Variants in PCGF3 observed in about 807,000 individuals in gnomAD.
The protein encoded by PCGF3 is polycomb group RING finger protein 3.
Under a neutral mutation model 33.1 loss-of-function variants are expected in PCGF3, and 7 were observed. The ratio of observed to expected loss-of-function variants is 0.21; its 90% CI spans 0.12 to 0.40. The LOEUF is 0.40. Ranked by LOEUF, PCGF3 falls within the 10% of genes least tolerant of loss-of-function variation. The pLI is 1.00. For missense variants in PCGF3, 211 were observed against 313.3 expected (o/e 0.67, Z 2.46); for synonymous variants, 153 against 121.3 (o/e 1.26, Z -1.72).
intron 8 of PCGF3, among the ~76,000 whole-genome samples, chr4:754,183 C>G (rs1258228576): frequency 6.6e-6 from 1 of 152,184 alleles, no homozygotes; most frequent in African/African-American, 2.4e-5. Context: ...GCTCCTATAC[C>G]CTGAGCAGGC....
chr4:741,676 G>A (rs1744097606), intron 6 of PCGF3, among the ~76,000 whole-genome samples: 2 of 152,180 alleles, frequency 1.3e-5, no homozygotes, highest in Non-Finnish European at 2.9e-5. Context: ...CACAGTGCTG[G>A]GATGACAGGT....
intron 1 of PCGF3, among the ~76,000 whole-genome samples, chr4:716,154 T>C (rs1742824940): frequency 9.4e-6 from 1 of 106,640 alleles, no homozygotes; most frequent in Non-Finnish European, 2.1e-5. Flanking sequence ...CTGTAGACAC[T>C]GAGTGTGAGA....
chr4:732,900 C>A (rs751707726), intron 3 of PCGF3, among the ~76,000 whole-genome samples: 1 of 152,244 alleles, frequency 6.6e-6, no homozygotes, highest in African/African-American at 2.4e-5. Context: ...TCACCAGGCT[C>A]TGCCTGCCGT....
exon 11 of PCGF3, chr4:768,678 G>A (rs1745486143): frequency 6.6e-6 from 1 of 152,028 alleles, no homozygotes; most frequent in African/African-American, 2.4e-5. Flanking sequence ...AGATTTGGGG[G>A]GTTAAAAAAG....
rs6856839 is a variant in PCGF3 at position 759,991 on chromosome 4, C to T, written c.463-1288C>T. Among the ~76,000 whole-genome samples, 684 of 152,282 alleles carry T rather than the reference C, an allele frequency of 4.5e-3. 13 individuals carry two copies. The highest frequency in any genetic ancestry group is 0.015 in the African/African-American group (639 of 41,538). ...GAGTTCTCTCTCCAGACTCCCGGAT[C>T]TTCTTCCCGCTCACATTGTCCCTCT... On this transcript the variant is annotated intron_variant, in intron 8 of 10. Transcript: ENST00000362003.
At chr4:729,280 T>C (rs1449843420) in intron 1 of PCGF3, among the ~76,000 whole-genome samples, 1 of 151,676 alleles carries the variant, frequency 6.6e-6, no homozygotes, top group African/African-American at 2.4e-5. Context: ...CCAGGTGTGG[T>C]GGTGCATGCT....
intron 1 of PCGF3, among the ~76,000 whole-genome samples, chr4:711,550 C>T (rs1328139503): frequency 4.8e-5 from 7 of 145,974 alleles, no homozygotes; most frequent in Non-Finnish European, 9.0e-5. Context: ...CTCCGCTTCC[C>T]GGGTTCACGC....
intron 1 of PCGF3, chr4:723,680 C>G (rs1257814406): frequency 1.3e-5 from 2 of 153,704 alleles, no homozygotes; most frequent in Non-Finnish European, 2.9e-5. Context: ...CCTCAAGACG[C>G]AGGAGCGGAG....
At chr4:758,163 CTCA>C in intron 8 of PCGF3, among the ~76,000 whole-genome samples, 1 of 71,330 alleles carries the variant, frequency 1.4e-5, no homozygotes, top group Non-Finnish European at 2.4e-5. Flanking sequence ...GAGACTCTGT[CTCA>C]AAAAAAAAAA....
intron 6 of PCGF3, among the ~76,000 whole-genome samples, chr4:741,978 A>T (rs926544142): frequency 6.6e-6 from 1 of 151,940 alleles, no homozygotes; most frequent in African/African-American, 2.4e-5. Context: ...AGCTGCTGGG[A>T]TGTGATTATT....
At chr4:761,907 A>G (rs1385154154) in intron 9 of PCGF3, 13 of 985,332 alleles carry the variant, frequency 1.3e-5, no homozygotes, top group Non-Finnish European at 1.6e-5. Flanking sequence ...AGCAGGGTCC[A>G]GCTTTGCATG....
In PCGF3 at chr4:755,987, A is replaced by ACCG. The variant is rs1321279394; in HGVS notation, c.463-5290_463-5288dup. Among the ~76,000 whole-genome samples, 3 of 126,688 alleles carry ACCG rather than the reference A, an allele frequency of 2.4e-5. No individual in the cohort carries two copies. The East Asian group carries it at 6.8e-4, about 29-fold the overall frequency. 83.1% of individuals were successfully genotyped at this position (126,688 alleles called of 152,430 possible). A position where few individuals can be genotyped will look rare whatever the true frequency, so the allele number is the denominator to read the frequency against. On this transcript the variant is annotated intron_variant, in intron 8 of 10. Transcript: ENST00000362003. ...GGAGTGCAAGGCCTGATCTTGGCTC[A>ACCG]CCGCAACCTCCACCTCCCGGGTTCA...
rs529150587 is a variant in PCGF3, at chr4:729,173, G to A, written c.-189-1457G>A. On this transcript the variant is annotated intron_variant, in intron 1 of 10. Transcript: ENST00000362003. ...CTCACACCTGTAATCTCAGCACTTT[G>A]GGAGGCTGAGGCGGGAGGATCACTT... Among the ~76,000 whole-genome samples, 187 of 150,414 alleles carry A rather than the reference G, an allele frequency of 1.2e-3. 1 individual carries two copies. Among genetic ancestry groups the A allele is most frequent in the African/African-American group, 4.3e-3 (175 of 40,994 alleles).
intron 1 of PCGF3, among the ~76,000 whole-genome samples, chr4:708,022 G>T (rs553875977): frequency 1.5e-5 from 2 of 137,124 alleles, no homozygotes; most frequent in South Asian, 5.1e-4. Context: ...TTCCCCTGGG[G>T]GCCGGGACCC....
intron 10 of PCGF3, among the ~76,000 whole-genome samples, chr4:765,464 A>G (rs1462014537): frequency 6.6e-6 from 1 of 151,624 alleles, no homozygotes; most frequent in Admixed American, 6.6e-5. Flanking sequence ...ACTCAGCTAC[A>G]GAAATTGTTG....
In PCGF3 at chr4:732,781, G is replaced by C. The variant is rs562533808; in HGVS notation, c.-9-891G>C. On this transcript the variant is annotated intron_variant, in intron 3 of 10. Transcript: ENST00000362003. ...CGTGCCTGCTGCTCCCCTGGTGAAA[G>C]GTGTGGGGAGCGAAGTCCCAGTAGT... Among the ~76,000 whole-genome samples, 11 of 152,348 alleles carry C rather than the reference G, an allele frequency of 7.2e-5. No homozygotes were observed. The South Asian group carries it at 2.3e-3, about 32-fold the overall frequency.
rs1025036326 is a variant in PCGF3 at position 720,446 on chromosome 4, C to G, written c.-189-10184C>G. Among the ~76,000 whole-genome samples, 14 of 152,270 alleles carry G rather than the reference C, an allele frequency of 9.2e-5. 3 individuals are homozygous for G. Among genetic ancestry groups the G allele is most frequent in the Admixed American group, 6.5e-5 (1 of 15,290 alleles). ...GTGGGGCTGCCCGTCCAGAGAGGTG[C>G]AGGGTCTCTTGTCAGGTGGACAGGG... is the stretch of plus-strand genomic sequence containing the variant. On this transcript the variant is annotated intron_variant, in intron 1 of 10. Coordinates refer to ENST00000362003, the Ensembl canonical transcript of PCGF3. The surrounding 1 kb of genome is among the most constrained non-coding windows in gnomAD (Gnocchi z 5.6).
chr4:749,565 C>T (rs943597434), intron 8 of PCGF3, among the ~76,000 whole-genome samples: 4 of 141,778 alleles, frequency 2.8e-5, no homozygotes, highest in Non-Finnish European at 6.0e-5. Context: ...TGGCTCACTG[C>T]AACCTCTGCC....
chr4:728,287 A>G (rs913843013), intron 1 of PCGF3, among the ~76,000 whole-genome samples: 1 of 152,352 alleles, frequency 6.6e-6, no homozygotes, highest in South Asian at 2.1e-4. Flanking sequence ...AAAATACAGT[A>G]GAACAACCAT....
Sources: gnomAD v4.1 joint callset for allele counts (sites outside exome capture counted in the v4.1 genomes callset) on GRCh38, gnomAD v4.1.1 for gene constraint, Gnocchi (gnomAD v3.1) non-coding constraint, MANE v1.5 for transcripts, NCBI Gene and HGNC (gene_info 2026-07-23, HGNC 2026-07-21) for gene names.